The following GPR39 variants were observed in gnomAD, a reference collection of about 807,000 sequenced individuals.
GPR39 encodes the protein zinc sensing receptor.
Under a neutral mutation model 18.4 loss-of-function variants are expected in GPR39, and 23 were observed. The observed-to-expected ratio is 1.25, with a 90% CI of 0.90 to 1.77. GPR39 has a LOEUF of 1.77. Among genes scored for constraint, GPR39 ranks in the 40% most tolerant of loss-of-function variants. GPR39 has a pLI of 0.00. For missense variants in GPR39, 647 were observed against 602.4 expected (o/e 1.07, Z -0.78); for synonymous variants, 280 against 257.9 (o/e 1.09, Z -0.82).
intron 1 of GPR39, among the ~76,000 whole-genome samples, chr2:132,478,938 C>A (rs1243594985): frequency 2.8e-5 from 4 of 144,238 alleles, no homozygotes; most frequent in African/African-American, 1.0e-4. Context: ...GCATTCAAAG[C>A]TTTTTTTTTT....
intron 1 of GPR39, among the ~76,000 whole-genome samples, chr2:132,526,863 GACTA>G (rs1208419642): frequency 5.3e-5 from 8 of 152,180 alleles, no homozygotes; most frequent in African/African-American, 1.9e-4. Flanking sequence ...CCCATAAGGT[GACTA>G]ACAGAGGGTG....
At chr2:132,627,566 CAATGAA>C (rs1681574213) in intron 1 of GPR39, among the ~76,000 whole-genome samples, 3 of 152,106 alleles carry the variant, frequency 2.0e-5, no homozygotes, top group Admixed American at 1.3e-4. Flanking sequence ...ATTTTGCAAT[CAATGAA>C]AATGAAGATA....
chr2:132,547,794 G>A (rs984621582), intron 1 of GPR39, among the ~76,000 whole-genome samples: 3 of 152,116 alleles, frequency 2.0e-5, no homozygotes, highest in Admixed American at 2.0e-4. Context: ...AAAGATAAAA[G>A]TCTCAAAGAA....
intron 1 of GPR39, among the ~76,000 whole-genome samples, chr2:132,590,798 GAAGGATGCA>G (rs1180026587): frequency 1.3e-5 from 2 of 150,120 alleles, no homozygotes; most frequent in Non-Finnish European, 2.9e-5. Context: ...TGACTGGATT[GAAGGATGCA>G]AAGTATTGTT....
At chr2:132,519,896 A>G (rs1679393044) in intron 1 of GPR39, among the ~76,000 whole-genome samples, 1 of 152,234 alleles carries the variant, frequency 6.6e-6, no homozygotes, top group South Asian at 2.1e-4. Flanking sequence ...TCCTCTACCC[A>G]GCTGTCAGAG....
chr2:132,478,481 T>C (rs2104787927), intron 1 of GPR39, among the ~76,000 whole-genome samples: 2 of 152,350 alleles, frequency 1.3e-5, no homozygotes, highest in South Asian at 4.1e-4. Flanking sequence ...TTTGTCAGAA[T>C]GTTGTATAAC....
chr2:132,451,576 T>C (rs1680633558), intron 1 of GPR39, among the ~76,000 whole-genome samples: 1 of 152,184 alleles, frequency 6.6e-6, no homozygotes, highest in Non-Finnish European at 1.5e-5. Context: ...ACAGGCTACA[T>C]AGGGAGGAAA....
intron 1 of GPR39, among the ~76,000 whole-genome samples, chr2:132,444,744 C>A (rs887242503): frequency 3.9e-4 from 59 of 152,262 alleles, no homozygotes; most frequent in Admixed American, 3.9e-3. Flanking sequence ...GATCTATCAG[C>A]CACAAATGCT....
chr2:132,549,786 CA>C (rs929062314), intron 1 of GPR39, among the ~76,000 whole-genome samples: 26 of 147,232 alleles, frequency 1.8e-4, no homozygotes, highest in Admixed American at 3.4e-4. Context: ...GACTCCGTCT[CA>C]AAAAAAAAAG....
chr2:132,480,315 A>G (rs1681209740), intron 1 of GPR39, among the ~76,000 whole-genome samples: 1 of 152,216 alleles, frequency 6.6e-6, no homozygotes, highest in Non-Finnish European at 1.5e-5. Context: ...TTGCAAGAAG[A>G]AAAATTTCTG....
chr2:132,489,023 C>A, intron 1 of GPR39: 1 of 171,108 alleles, frequency 5.8e-6, no homozygotes, highest in Non-Finnish European at 1.3e-5. Context: ...GCCTGCTCCA[C>A]GTTTACCTCT....
chr2:132,564,191 G>T (rs1031040555), intron 1 of GPR39, among the ~76,000 whole-genome samples: 3 of 152,162 alleles, frequency 2.0e-5, no homozygotes, highest in Non-Finnish European at 4.4e-5. Context: ...CACTGTGCTG[G>T]AGAGCGCTGG....
At chr2:132,466,390 C>T (rs1680927941) in intron 1 of GPR39, among the ~76,000 whole-genome samples, 2 of 152,086 alleles carry the variant, frequency 1.3e-5, no homozygotes, top group South Asian at 2.1e-4. Flanking sequence ...TTTGAGTTTC[C>T]TTGCGATTTA....
intron 1 of GPR39, among the ~76,000 whole-genome samples, chr2:132,640,457 A>G (rs533992388): frequency 6.6e-6 from 1 of 152,360 alleles, no homozygotes; most frequent in South Asian, 2.1e-4. Context: ...AAGGTATTTC[A>G]TAGCCCAGAG....
chr2:132,533,616 CA>C (rs1182686625), intron 1 of GPR39, among the ~76,000 whole-genome samples: 2 of 152,044 alleles, frequency 1.3e-5, no homozygotes, highest in Non-Finnish European at 2.9e-5. Context: ...CTACAGTAAC[CA>C]AAACAGCATG....
In GPR39 at chr2:132,492,613, TCTATATATACA is replaced by T. The variant is rs1333652525; in HGVS notation, c.856+74716_856+74726del. On this transcript the variant is annotated intron_variant, in intron 1 of 1. Transcript: ENST00000329321. ...ATATATATACCATATATACACACCA[TCTATATATACA>T]ATATATATACACACCATCTATATAT... 1.0e-2 allele frequency among the ~76,000 whole-genome samples: 904 copies of T among 90,672 alleles called. 30 individuals are homozygous for T. Among genetic ancestry groups the T allele is most frequent in the African/African-American group, 0.027 (859 of 32,192 alleles). 59.5% of individuals were successfully genotyped at this position (90,672 alleles called of 152,430 possible). A position where few individuals can be genotyped will look rare whatever the true frequency, so the allele number is the denominator to read the frequency against.
chr2:132,638,757 C>G (rs1681810704), intron 1 of GPR39, among the ~76,000 whole-genome samples: 1 of 152,204 alleles, frequency 6.6e-6, no homozygotes, highest in African/African-American at 2.4e-5. Flanking sequence ...TAACCATATG[C>G]TTACTTTCCA....
At position 132,646,238 on chromosome 2, in the gene GPR39, A is replaced by C; in HGVS notation, c.*632A>C. On this transcript the variant is annotated 3_prime_UTR_variant, in exon 2 of 2. Transcript: ENST00000329321. ...GGACTGGTACCCGGCAGAGGCGATG[A>C]GACAGGCCGCTGATGATGCACAGGA... 6.3e-7 allele frequency: 1 copy of C among 1,584,824 alleles called. No homozygotes were observed. Among genetic ancestry groups the C allele is most frequent in the Non-Finnish European group, 8.6e-7 (1 of 1,163,022 alleles).
intron 1 of GPR39, among the ~76,000 whole-genome samples, chr2:132,561,660 A>C (rs544803032): frequency 6.6e-6 from 1 of 152,202 alleles, no homozygotes; most frequent in African/African-American, 2.4e-5. Context: ...AAATGCCAAA[A>C]TCTGCAGTTG....
Sources: allele counts gnomAD v4.1 joint callset (sites outside exome capture counted in the v4.1 genomes callset), GRCh38; gene constraint gnomAD v4.1.1; transcripts MANE v1.5; gene names NCBI Gene and HGNC (gene_info 2026-07-23, HGNC 2026-07-21).